Variants in SFMBT2 observed in about 807,000 individuals in gnomAD.
SFMBT2 encodes the protein Scm like with four mbt domains 2, also known as scm-like with four MBT domains protein 2.
In SFMBT2, 38 loss-of-function variants were observed where a neutral mutation model predicts 110.1. That is an observed-to-expected ratio of 0.35 (90% CI 0.27 to 0.45). The LOEUF is 0.45. SFMBT2 is among the 20% of genes least tolerant of loss of function. The probability of loss-of-function intolerance (pLI) is 1.00; values close to 1 mark genes in which losing one functional copy is unlikely to be tolerated. For missense variants in SFMBT2, 1,011 were observed against 1,094.9 expected (o/e 0.92, Z 1.08); for synonymous variants, 425 against 425.4 (o/e 1.00, Z 0.01).
chr10:7,366,871 C>G (rs1455308660), intron 4 of SFMBT2, among the ~76,000 whole-genome samples: 1 of 152,134 alleles, frequency 6.6e-6, no homozygotes, highest in Non-Finnish European at 1.5e-5. Context: ...TGGCCTCCAC[C>G]CACTAAATGG....
chr10:7,254,920 G>A (rs1588388975), intron 7 of SFMBT2, among the ~76,000 whole-genome samples: 2 of 152,134 alleles, frequency 1.3e-5, no homozygotes, highest in African/African-American at 4.8e-5. Flanking sequence ...GATCTAAAAG[G>A]CAAAACTAGT....
At chr10:7,267,327 C>T (rs1841424563) in intron 7 of SFMBT2, among the ~76,000 whole-genome samples, 1 of 152,190 alleles carries the variant, frequency 6.6e-6, no homozygotes, top group Admixed American at 6.5e-5. Flanking sequence ...CTTCTGAATC[C>T]TGTGAGTCCT....
chr10:7,166,619 A>G (rs1837702296), intron 20 of SFMBT2, among the ~76,000 whole-genome samples: 1 of 152,218 alleles, frequency 6.6e-6, no homozygotes, highest in African/African-American at 2.4e-5. Context: ...AGACAAGTAA[A>G]CAGACTATTA....
chr10:7,270,332 A>G (rs550367185), intron 7 of SFMBT2, among the ~76,000 whole-genome samples: 2 of 152,254 alleles, frequency 1.3e-5, no homozygotes, highest in South Asian at 4.2e-4. Context: ...TTCACACACT[A>G]GTCTCCAGAA....
chr10:7,240,089 G>T (rs541397993), intron 9 of SFMBT2, among the ~76,000 whole-genome samples: 1 of 151,774 alleles, frequency 6.6e-6, no homozygotes, highest in Non-Finnish European at 1.5e-5. Context: ...AGATAGAAAA[G>T]AAAAAAAGAT....
intron 1 of SFMBT2, among the ~76,000 whole-genome samples, chr10:7,400,146 A>G (rs1846033676): frequency 6.6e-6 from 1 of 152,322 alleles, no homozygotes; most frequent in South Asian, 2.1e-4. Flanking sequence ...TGGCCAGTTG[A>G]CACGTGGCCC....
At chr10:7,291,820 C>T (rs1335046966) in intron 4 of SFMBT2, among the ~76,000 whole-genome samples, 1 of 152,130 alleles carries the variant, frequency 6.6e-6, no homozygotes, top group Non-Finnish European at 1.5e-5. Flanking sequence ...GTTTCTAGTC[C>T]TTGGTTGTAC....
At chr10:7,286,103 A>C in intron 4 of SFMBT2, 149 bp from the exon 5 acceptor site, 1 of 607,062 alleles carries the variant, frequency 1.6e-6, no homozygotes, top group Admixed American at 2.9e-5. Flanking sequence ...CACCATGCTT[A>C]AGTAAATACT....
chr10:7,236,213 AT>A (rs1357989038), intron 9 of SFMBT2, among the ~76,000 whole-genome samples: 1 of 152,172 alleles, frequency 6.6e-6, no homozygotes, highest in Non-Finnish European at 1.5e-5. Flanking sequence ...TAAAAAGATA[AT>A]ATAAGAAAAT....
intron 2 of SFMBT2, among the ~76,000 whole-genome samples, chr10:7,381,163 T>C (rs905119991): frequency 1.3e-5 from 2 of 152,074 alleles, no homozygotes; most frequent in Non-Finnish European, 2.9e-5. Flanking sequence ...AGCTGTTCTG[T>C]TTTTCAGATT....
chr10:7,386,392 T>C (rs547288034), intron 1 of SFMBT2, among the ~76,000 whole-genome samples: 11 of 152,230 alleles, frequency 7.2e-5, no homozygotes, highest in African/African-American at 2.4e-4. Flanking sequence ...GCAGATTACC[T>C]GAGGCCAGGT....
chr10:7,409,096 ACC>A (rs1554816160), intron 1 of SFMBT2, among the ~76,000 whole-genome samples: 2 of 69,934 alleles, frequency 2.9e-5, no homozygotes, highest in Non-Finnish European at 2.8e-5. Context: ...CCACCCCACC[ACC>A]ACCACCACCA....
intron 1 of SFMBT2, among the ~76,000 whole-genome samples, chr10:7,400,658 C>G (rs746112619): frequency 2.0e-5 from 3 of 152,234 alleles, no homozygotes; most frequent in African/African-American, 7.2e-5. Flanking sequence ...ACAGCAAACC[C>G]TGGCAGCTGC....
intron 4 of SFMBT2, among the ~76,000 whole-genome samples, chr10:7,324,165 T>C (rs1843298097): frequency 6.6e-6 from 1 of 152,222 alleles, no homozygotes; most frequent in Non-Finnish European, 1.5e-5. Context: ...AATAGTGAGA[T>C]TTCTGAACAC....
chr10:7,210,872 A>G (rs1184839024), intron 11 of SFMBT2, among the ~76,000 whole-genome samples: 1 of 151,682 alleles, frequency 6.6e-6, no homozygotes, highest in Non-Finnish European at 1.5e-5. Context: ...AAGGTATCAT[A>G]GGAAACAGGC....
intron 10 of SFMBT2, 23 bp from the exon 11 acceptor site, chr10:7,220,560 A>G: frequency 1.9e-6 from 3 of 1,613,832 alleles, no homozygotes; most frequent in South Asian, 2.2e-5. Flanking sequence ...CGAGACCAAC[A>G]CTGAGCCAGT....
intron 15 of SFMBT2, among the ~76,000 whole-genome samples, chr10:7,191,433 C>G (rs891013703): frequency 2.1e-4 from 32 of 152,024 alleles, no homozygotes; most frequent in African/African-American, 7.8e-4. Context: ...CTCCCAACAA[C>G]CGCCAGGGCG....
intron 4 of SFMBT2, among the ~76,000 whole-genome samples, chr10:7,334,595 T>C (rs187465430): frequency 6.6e-6 from 1 of 152,186 alleles, no homozygotes; most frequent in African/African-American, 2.4e-5. Flanking sequence ...GAGCTGCTCA[T>C]TAAAAGCGGG....
chr10:7,371,920 ATTTTT>A (rs762872004), intron 2 of SFMBT2, among the ~76,000 whole-genome samples: 2 of 77,734 alleles, frequency 2.6e-5, no homozygotes, highest in African/African-American at 5.2e-5. Flanking sequence ...TCCACCTGTA[ATTTTT>A]TTTTTTTTTT....
Sources: gnomAD v4.1 joint callset for allele counts (sites outside exome capture counted in the v4.1 genomes callset) on GRCh38, gnomAD v4.1.1 for gene constraint, MANE v1.5 for transcripts, NCBI Gene and HGNC (gene_info 2026-07-23, HGNC 2026-07-21) for gene names.